The following PAN3 variants were observed in gnomAD, a reference collection of about 807,000 sequenced individuals.
PAN3 encodes the protein PAN2-PAN3 deadenylation complex subunit PAN3.
Under a neutral mutation model 96.2 loss-of-function variants are expected in PAN3, and 19 were observed. The observed-to-expected ratio is 0.20, with a 90% CI of 0.14 to 0.29. The LOEUF (loss-of-function observed/expected upper bound fraction) is 0.29, where lower values mean the gene tolerates loss of function less well. PAN3 is among the 10% of genes least tolerant of loss of function. PAN3 has a pLI of 1.00. For synonymous variants in PAN3, 433 were observed against 406.6 expected (o/e 1.06, Z -0.78); for missense variants, 882 against 1,108.1 (o/e 0.80, Z 2.90).
intron 1 of PAN3, among the ~76,000 whole-genome samples, chr13:28,141,756 G>C (rs565799965): frequency 6.6e-6 from 1 of 152,198 alleles, no homozygotes; most frequent in East Asian, 1.9e-4. Flanking sequence ...CACCGCACCT[G>C]GCCGAGGATT....
intron 6 of PAN3, among the ~76,000 whole-genome samples, chr13:28,222,230 A>G (rs1246820860): frequency 6.6e-6 from 1 of 152,160 alleles, no homozygotes; most frequent in Non-Finnish European, 1.5e-5. Flanking sequence ...TGGTATAGGT[A>G]TAAGCTTATT....
intron 1 of PAN3, among the ~76,000 whole-genome samples, chr13:28,147,563 C>T (rs1458556089): frequency 2.0e-5 from 3 of 152,168 alleles, no homozygotes; most frequent in Non-Finnish European, 2.9e-5. Flanking sequence ...TACCTGACAG[C>T]ACAGTATACT....
chr13:28,247,472 C>G (rs1376919142), intron 6 of PAN3, among the ~76,000 whole-genome samples: 1 of 151,992 alleles, frequency 6.6e-6, no homozygotes, highest in Admixed American at 6.6e-5. Flanking sequence ...GCTTTTGTTG[C>G]CTATGCTTTT....
chr13:28,218,367 A>G (rs778407697), intron 5 of PAN3, among the ~76,000 whole-genome samples: 3 of 152,100 alleles, frequency 2.0e-5, no homozygotes, highest in Non-Finnish European at 4.4e-5. Flanking sequence ...TTTATCTTTA[A>G]TCTCAAGTGC....
At chr13:28,220,105 C>A in intron 5 of PAN3, 126 bp from the exon 6 acceptor site, 3 of 911,020 alleles carry the variant, frequency 3.3e-6, no homozygotes, top group East Asian at 2.8e-5. Context: ...GAACCGAAAA[C>A]ACTTGTTAAT....
chr13:28,215,947 T>C (rs1880704345), intron 5 of PAN3: 41 of 1,053,416 alleles, frequency 3.9e-5, no homozygotes, highest in Non-Finnish European at 5.8e-5. Flanking sequence ...GGTGGAAGAA[T>C]GGTCTCAGGA....
At chr13:28,141,003 C>CT (rs979248659) in intron 1 of PAN3, among the ~76,000 whole-genome samples, 3,546 of 112,862 alleles carry the variant, frequency 0.031, 101 homozygotes, top group South Asian at 0.053. Context: ...GAAAGAGACA[C>CT]TTTTTTTTTT....
intron 6 of PAN3, among the ~76,000 whole-genome samples, chr13:28,243,991 C>CT (rs373251295): frequency 1.2e-4 from 18 of 152,238 alleles, no homozygotes; most frequent in African/African-American, 4.1e-4. Flanking sequence ...TGGCCTAGTT[C>CT]TTTTTTTAAA....
At chr13:28,205,315 G>A (rs983179249) in intron 5 of PAN3, among the ~76,000 whole-genome samples, 10 of 152,160 alleles carry the variant, frequency 6.6e-5, no homozygotes, top group African/African-American at 2.4e-4. Context: ...CTATGATGCA[G>A]CTGCAGTGGC....
Position 28,261,449 on chromosome 13 carries a change from G to T in PAN3, c.1402G>T (p.Asp468Tyr). The T allele has an allele frequency of 6.2e-7, 1 of 1,610,342 alleles. No homozygotes were observed. The highest frequency in any genetic ancestry group is 1.7e-4 in the Middle Eastern group (1 of 5,888). The change falls in exon 9 of 19, where the codon GAT (aspartate) becomes TAT (tyrosine). Residue 468 changes from aspartate to tyrosine, a missense_variant. Transcript: ENST00000380958. ...AACAATGGCTCAAATTGATCAAGCA[G>T]ATATGCCAGGTAAAAAGCAAGTTGA... ...LITMAQIDQADMPAVPTEVDS... is the reference protein window; with the variant it reads ...LITMAQIDQAYMPAVPTEVDS...
chr13:28,175,834 C>A (rs183797181), intron 2 of PAN3, among the ~76,000 whole-genome samples: 32 of 152,132 alleles, frequency 2.1e-4, no homozygotes, highest in African/African-American at 7.7e-4. Flanking sequence ...CTTTTTTCTT[C>A]TCTTTTAAAA....
intron 4 of PAN3, 112 bp downstream of exon 4, chr13:28,178,047 CTTTAGTG>C (rs1349136052): frequency 2.3e-6 from 2 of 882,286 alleles, no homozygotes; most frequent in African/African-American, 1.7e-5. Context: ...TTTTTATGGG[CTTTAGTG>C]TTTTTCCTGC....
chr13:28,147,766 C>T (rs2137948351), intron 1 of PAN3, among the ~76,000 whole-genome samples: 1 of 152,236 alleles, frequency 6.6e-6, no homozygotes, highest in Non-Finnish European at 1.5e-5. Flanking sequence ...CCATCATAGT[C>T]AGTTGGGAAT....
chr13:28,280,623 GCT>G, intron 16 of PAN3, 82 bp downstream of exon 16: 1 of 1,245,194 alleles, frequency 8.0e-7, no homozygotes, highest in Non-Finnish European at 1.1e-6. Flanking sequence ...GTGCAGTGGT[GCT>G]ATCTCGGCTT....
chr13:28,225,628 G>A (rs1052689118), intron 6 of PAN3, among the ~76,000 whole-genome samples: 2 of 152,096 alleles, frequency 1.3e-5, no homozygotes, highest in Non-Finnish European at 2.9e-5. Context: ...AACTAACCAA[G>A]GCAGCCAGCC....
rs1869988478 is a variant in PAN3 at position 28,293,387 on chromosome 13, G to GTTGTT, written c.*867_*868insGTTTT. 4.7e-5 allele frequency: 1 copy of GTTGTT among 21,356 alleles called. No individual in the cohort carries two copies. Among genetic ancestry groups the GTTGTT allele is most frequent in the African/African-American group, 2.0e-4 (1 of 4,970 alleles). 1.3% of individuals were successfully genotyped at this position (21,356 alleles called of 1,614,324 possible). A position where few individuals can be genotyped will look rare whatever the true frequency, so the allele number is the denominator to read the frequency against. On this transcript the variant is annotated 3_prime_UTR_variant, in exon 19 of 19. Transcript: ENST00000380958. ...ACTTTAGGTTCTTTCCAGTTTGCTG[G>GTTGTT]TTTTTTTTTTTTTTTTTTTTTTTTT... is the stretch of plus-strand genomic sequence containing the variant.
intron 1 of PAN3, among the ~76,000 whole-genome samples, chr13:28,167,081 A>ATT (rs1566151683): frequency 1.4e-4 from 18 of 127,620 alleles, no homozygotes; most frequent in African/African-American, 5.2e-4. Flanking sequence ...TTTTTATCTT[A>ATT]ATTTTTTTTT....
intron 6 of PAN3, chr13:28,239,733 C>A: frequency 8.4e-7 from 1 of 1,185,858 alleles, no homozygotes. Flanking sequence ...TTGAGTTCAG[C>A]AACTTTTAAT....
intron 6 of PAN3, among the ~76,000 whole-genome samples, chr13:28,232,279 A>C (rs1882652321): frequency 6.6e-6 from 1 of 152,240 alleles, no homozygotes; most frequent in Non-Finnish European, 1.5e-5. Flanking sequence ...GAGTAGAATT[A>C]GGTATCATAA....
Sources: gnomAD v4.1 joint callset for allele counts (sites outside exome capture counted in the v4.1 genomes callset) on GRCh38, gnomAD v4.1.1 for gene constraint, MANE v1.5 for transcripts, NCBI Gene and HGNC (gene_info 2026-07-23, HGNC 2026-07-21) for gene names.